ABCG1: variants seen among roughly 807,000 people sequenced by gnomAD.
The protein encoded by ABCG1 is ATP binding cassette subfamily G member 1, also known as ATP-binding cassette sub-family G member 1.
Under a neutral mutation model 69.2 loss-of-function variants are expected in ABCG1, and 29 were observed. That is an observed-to-expected ratio of 0.42 (90% confidence interval 0.31 to 0.57). The LOEUF (loss-of-function observed/expected upper bound fraction) is 0.57. Ranked by LOEUF, ABCG1 falls within the 20% of genes least tolerant of loss-of-function variation. The probability of loss-of-function intolerance (pLI) is 0.15; values close to 1 mark genes in which losing one functional copy is unlikely to be tolerated. For synonymous variants in ABCG1, 370 were observed against 374.8 expected (o/e 0.99, Z 0.15); for missense variants, 718 against 898.1 (o/e 0.80, Z 2.56).
chr21:42,265,773 C>G (rs937618495), intron 2 of ABCG1, among the ~76,000 whole-genome samples: 3 of 152,222 alleles, frequency 2.0e-5, no homozygotes, highest in Non-Finnish European at 4.4e-5. Context: ...CGAGCTGGCT[C>G]AGGACCGCAG....
At chr21:42,281,126 C>G (rs971925095) in intron 5 of ABCG1, among the ~76,000 whole-genome samples, 1 of 152,234 alleles carries the variant, frequency 6.6e-6, no homozygotes. Context: ...CACTTTGTAC[C>G]GACTGTGCAT....
At chr21:42,229,185 A>G (rs372886773) in intron 2 of ABCG1, among the ~76,000 whole-genome samples, 1 of 152,200 alleles carries the variant, frequency 6.6e-6, no homozygotes, top group African/African-American at 2.4e-5. Flanking sequence ...CTCTTCTCAC[A>G]GTGGCGGAGT....
chr21:42,269,689 A>C (rs1237829864), intron 2 of ABCG1, among the ~76,000 whole-genome samples: 1 of 152,162 alleles, frequency 6.6e-6, no homozygotes, highest in Non-Finnish European at 1.5e-5. Flanking sequence ...GGGACTCCAC[A>C]TCCAAATTAA....
At chr21:42,204,809 A>G (rs1004043086) in intron 2 of ABCG1, among the ~76,000 whole-genome samples, 1 of 152,166 alleles carries the variant, frequency 6.6e-6, no homozygotes, top group African/African-American at 2.4e-5. Context: ...GCCTCAGCCA[A>G]TGATCAACTA....
upstream of ABCG1, among the ~76,000 whole-genome samples, chr21:42,213,285 G>A (rs1241927441): frequency 6.6e-6 from 1 of 152,266 alleles, no homozygotes; most frequent in Non-Finnish European, 1.5e-5. Context: ...AGTGCCTGCA[G>A]GACCTCGGCA....
In ABCG1 at chr21:42,273,281, TCTC is replaced by T; in HGVS notation, c.405-19_405-17del. The T allele has an allele frequency of 6.2e-7, 1 of 1,603,416 alleles. No individual in the cohort carries two copies. The highest frequency in any genetic ancestry group is 8.5e-7 in the Non-Finnish European group (1 of 1,174,048). On this transcript the variant is annotated intron_variant, in intron 3 of 14. Coordinates refer to ENST00000398449, the MANE Select transcript of ABCG1 (RefSeq NM_016818.3). The surrounding 1 kb of genome is among the most constrained non-coding windows in gnomAD (Gnocchi z 5.3). ...AGGAGCAGGAGCCCGGCTGACGGCT[TCTC>T]CTGTCCTTGGTTCTGCAGGGAGACG...
intron 3 of ABCG1, among the ~76,000 whole-genome samples, chr21:42,271,593 A>C (rs1488346643): frequency 6.6e-6 from 1 of 152,170 alleles, no homozygotes; most frequent in African/African-American, 2.4e-5. Context: ...AGTTGTTTAG[A>C]AGTTTGAGCC....
chr21:42,210,959 C>CTTCTTCTT lies in ABCG1; in HGVS notation c.48+9238_48+9239insCTTCTTTT, dbSNP rs772743532. Among the ~76,000 whole-genome samples, 572 of 137,368 alleles carry CTTCTTCTT rather than the reference C, an allele frequency of 4.2e-3. 3 individuals carry two copies. Among genetic ancestry groups the CTTCTTCTT allele is most frequent in the African/African-American group, 0.015 (549 of 37,348 alleles). The allele number at this position is 137,368 out of a possible 152,430, so 90.1% of individuals were successfully genotyped here. Reference sequence around the variant, plus strand: ...GATTAAGCATTCTCATTTCTTTCTTCTTTTTTTTTTTTTTTTTTGAGACCA... The same window carrying CTTCTTCTT: ...GATTAAGCATTCTCATTTCTTTCTTCTTCTTCTTTTTTTTTTTTTTTTTTTTGAGACCA... On this transcript the variant is annotated intron_variant, in intron 2 of 15. Transcript: ENST00000398457.
intron 2 of ABCG1, among the ~76,000 whole-genome samples, chr21:42,203,651 T>C (rs1017393213): frequency 6.6e-6 from 1 of 152,232 alleles, no homozygotes; most frequent in African/African-American, 2.4e-5. Flanking sequence ...TGGATTATTG[T>C]AGCTATAAAA....
intron 13 of ABCG1, among the ~76,000 whole-genome samples, chr21:42,293,071 A>ACACACACCACAC (rs1569242781): frequency 3.9e-5 from 1 of 25,474 alleles, no homozygotes. Context: ...ACCACACTAC[A>ACACACACCACAC]CACACACCAC....
intron 7 of ABCG1, among the ~76,000 whole-genome samples, chr21:42,285,057 G>A (rs1450937276): frequency 6.6e-6 from 1 of 152,158 alleles, no homozygotes; most frequent in Non-Finnish European, 1.5e-5. Flanking sequence ...TCCTCTCTCT[G>A]TCCTGGTGGT....
intron 6 of ABCG1, among the ~76,000 whole-genome samples, chr21:42,283,728 G>A (rs193298535): frequency 0.11 from 4,112 of 39,074 alleles, 557 homozygotes; most frequent in Middle Eastern, 0.27. Context: ...CCACCACCCA[G>A]ATGAGTGGGG....
chr21:42,262,672 G>A (rs865814516), intron 2 of ABCG1, among the ~76,000 whole-genome samples: 4 of 152,226 alleles, frequency 2.6e-5, no homozygotes, highest in African/African-American at 9.7e-5. Context: ...GCGGGGCCTG[G>A]CAAAGGCACT....
chr21:42,223,632 C>T (rs1003266124), intron 1 of ABCG1, among the ~76,000 whole-genome samples: 2 of 152,238 alleles, frequency 1.3e-5, no homozygotes, highest in East Asian at 1.9e-4. Context: ...TGTTTTCTTG[C>T]CTGGGGCCAG....
chr21:42,200,088 C>G (rs573222406), intron 1 of ABCG1, among the ~76,000 whole-genome samples: 23 of 152,304 alleles, frequency 1.5e-4, no homozygotes, highest in African/African-American at 5.1e-4. Context: ...TCAGAGCCCA[C>G]GACATGAGGG....
At chr21:42,220,157 T>A (rs1040580807) in intron 1 of ABCG1, 1 of 950,538 alleles carries the variant, frequency 1.1e-6, no homozygotes, top group Non-Finnish European at 1.6e-6. Context: ...CACCTTATCC[T>A]AGCGCCCTTC....
At chr21:42,240,911 C>T (rs1204783076) in intron 2 of ABCG1, among the ~76,000 whole-genome samples, 1 of 152,236 alleles carries the variant, frequency 6.6e-6, no homozygotes. Flanking sequence ...GCACGGGCCA[C>T]GCTTGCTCAC....
intron 2 of ABCG1, among the ~76,000 whole-genome samples, chr21:42,269,048 C>T (rs1477280849): frequency 6.6e-6 from 1 of 152,190 alleles, no homozygotes; most frequent in Non-Finnish European, 1.5e-5. Flanking sequence ...GAGCCCGAGG[C>T]ATGAACCCTC....
At chr21:42,230,467 G>A (rs1172983938) in intron 2 of ABCG1, among the ~76,000 whole-genome samples, 6 of 152,230 alleles carry the variant, frequency 3.9e-5, no homozygotes, top group African/African-American at 1.2e-4. Context: ...ACAGATCAGA[G>A]TGATCTGGTT....
Sources: gnomAD v4.1 joint callset for allele counts (sites outside exome capture counted in the v4.1 genomes callset) on GRCh38, gnomAD v4.1.1 for gene constraint, Gnocchi (gnomAD v3.1) non-coding constraint, MANE v1.5 for transcripts, NCBI Gene and HGNC (gene_info 2026-07-23, HGNC 2026-07-21) for gene names.